The following AP1M1 variants were observed in gnomAD, a reference collection of about 807,000 sequenced individuals.
AP1M1 encodes AP-1 complex subunit mu-1.
Under a neutral mutation model 57.1 loss-of-function variants are expected in AP1M1, and 18 were observed. The observed-to-expected ratio is 0.32, with a 90% CI of 0.22 to 0.47. The LOEUF (loss-of-function observed/expected upper bound fraction) is 0.47, where lower values mean the gene tolerates loss of function less well. Ranked by LOEUF, AP1M1 falls within the 20% of genes least tolerant of loss-of-function variation. AP1M1 has a pLI of 1.00. For synonymous variants in AP1M1, 241 were observed against 237.9 expected (o/e 1.01, Z -0.12); for missense variants, 362 against 593.5 (o/e 0.61, Z 4.05).
Position 16,235,716 on chromosome 19 carries a change from C to T in AP1M1, c.*1281C>T, listed in dbSNP as rs963703645. 8 of 152,310 alleles carry T rather than the reference C, an allele frequency of 5.3e-5. No individual in the cohort carries two copies. The highest frequency in any genetic ancestry group is 1.0e-4 in the Non-Finnish European group (7 of 68,118). 9.4% of individuals were successfully genotyped at this position (152,310 alleles called of 1,614,324 possible). A position where few individuals can be genotyped will look rare whatever the true frequency, so the allele number is the denominator to read the frequency against. On this transcript the variant is annotated 3_prime_UTR_variant, in exon 12 of 12. Transcript: ENST00000291439. ...TAGAAATGCAGGTTCGTGGGCCAGC[C>T]CTGACCTGCCAAAGTGGAGGCTCTG...
chr19:16,205,799 C>T (rs574616851), intron 2 of AP1M1, among the ~76,000 whole-genome samples: 38 of 152,314 alleles, frequency 2.5e-4, no homozygotes, highest in African/African-American at 9.1e-4. Flanking sequence ...AGTTCATTCA[C>T]AGGCCTCCAT....
chr19:16,200,113 TTAGC>T (rs1293374024), intron 1 of AP1M1, among the ~76,000 whole-genome samples: 3 of 152,120 alleles, frequency 2.0e-5, no homozygotes, highest in Non-Finnish European at 4.4e-5. Flanking sequence ...ATGGTCCATG[TTAGC>T]TCTCCCAGGC....
chr19:16,218,652 A>T (rs181708020), intron 5 of AP1M1, among the ~76,000 whole-genome samples: 4 of 152,208 alleles, frequency 2.6e-5, no homozygotes, highest in Admixed American at 2.6e-4. Flanking sequence ...TTAGTGGGAG[A>T]TGTTTCTCCT....
At chr19:16,214,173 C>T (rs1402442208) in intron 5 of AP1M1, among the ~76,000 whole-genome samples, 1 of 151,352 alleles carries the variant, frequency 6.6e-6, no homozygotes, top group South Asian at 2.1e-4. Flanking sequence ...CTCAGCCTCC[C>T]GAGTAGCTGG....
chr19:16,217,361 A>G (rs1369306340), intron 5 of AP1M1, among the ~76,000 whole-genome samples: 1 of 152,152 alleles, frequency 6.6e-6, no homozygotes, highest in Non-Finnish European at 1.5e-5. Flanking sequence ...GTGCACACAC[A>G]GGCATGCTGT....
intron 1 of AP1M1, among the ~76,000 whole-genome samples, chr19:16,201,294 TA>T (rs1342906908): frequency 2.7e-5 from 4 of 149,778 alleles, no homozygotes; most frequent in African/African-American, 9.9e-5. Flanking sequence ...AGGATAGAAA[TA>T]AATGTTTAAT....
Position 16,230,404 on chromosome 19 carries a change from C to CT in AP1M1, c.1047+1490dup, listed in dbSNP as rs58625387. Among the ~76,000 whole-genome samples, 276 of 143,414 alleles carry CT rather than the reference C, an allele frequency of 1.9e-3. 19 individuals are homozygous for CT. The Middle Eastern group carries it at 0.036, about 19-fold the overall frequency. The allele number at this position is 143,414 out of a possible 152,430, so 94.1% of individuals were successfully genotyped here. A position where few individuals can be genotyped will look rare whatever the true frequency, so the allele number is the denominator to read the frequency against. The stretch of plus-strand genomic sequence containing the variant: ...CATTCAGACTACAGTATACGGTAAC[C>CT]TTTTTTTTTTTTTTGAGACGGAGTC... On this transcript the variant is annotated intron_variant, in intron 9 of 11. Coordinates refer to ENST00000291439, the MANE Select transcript of AP1M1 (RefSeq NM_032493.4).
At position 16,240,448 on chromosome 19, in the gene AP1M1, G is replaced by C. The variant is rs2091641763; in HGVS notation, c.*6013G>C. The C allele has an allele frequency of 6.6e-6, 1 of 152,118 alleles. No individual in the cohort carries two copies. Among genetic ancestry groups the C allele is most frequent in the Non-Finnish European group, 1.5e-5 (1 of 68,022 alleles). 9.4% of individuals were successfully genotyped at this position (152,118 alleles called of 1,614,324 possible). ...TTCCAAAATTAATGAAAATCTTGAAGTGTTTTTTGTTTTTCATTTTGACGG... is the reference window on the plus strand; with the variant it reads ...TTCCAAAATTAATGAAAATCTTGAACTGTTTTTTGTTTTTCATTTTGACGG... On this transcript the variant is annotated 3_prime_UTR_variant, in exon 12 of 12. Transcript: ENST00000291439.
chr19:16,209,147 C>T lies in AP1M1; in HGVS notation c.516C>T (p.Phe172=). The T allele has an allele frequency of 6.2e-7, 1 of 1,614,208 alleles. No individual in the cohort carries two copies. The highest frequency in any genetic ancestry group is 8.5e-7 in the Non-Finnish European group (1 of 1,180,034). Residue 172 remains phenylalanine, a synonymous_variant, in exon 5 of 12, where the codon TTC becomes TTT. Coordinates refer to ENST00000291439, the MANE Select transcript of AP1M1 (RefSeq NM_032493.4). ...EGIKYRKNEV[F]LDVIESVNLL... ...TCAAGTATCGGAAGAATGAGGTGTT[C>T]TTGGACGTCATCGAGTCTGTCAACC...
At chr19:16,215,194 C>CA (rs1568350995) in intron 5 of AP1M1, among the ~76,000 whole-genome samples, 6 of 1,918 alleles carry the variant, frequency 3.1e-3, no homozygotes, top group Non-Finnish European at 6.9e-3. Context: ...GAGGCTAAGG[C>CA]GGGGGCGGGG....
At chr19:16,226,794 T>A in intron 6 of AP1M1, 1 of 438,782 alleles carries the variant, frequency 2.3e-6, no homozygotes, top group Non-Finnish European at 4.1e-6. Flanking sequence ...ACACGCCAGG[T>A]CCTGCACCCT....
At chr19:16,233,934 G>T in intron 10 of AP1M1, 1 of 553,368 alleles carries the variant, frequency 1.8e-6, no homozygotes, top group South Asian at 2.6e-5. Flanking sequence ...AGAGAGCCAG[G>T]GGCCTTCTGG....
Position 16,209,154 on chromosome 19 carries a change from GTCA to G in AP1M1, c.526_528del (p.Ile176del). On this transcript the variant is annotated inframe_deletion, in exon 5 of 12. Coordinates refer to ENST00000291439, the MANE Select transcript of AP1M1 (RefSeq NM_032493.4). ...TCGGAAGAATGAGGTGTTCTTGGAC[GTCA>G]TCGAGTCTGTCAACCTCTTGGTAGG... 6.2e-7 allele frequency: 1 copy of G among 1,614,198 alleles called. No individual in the cohort carries two copies. The highest frequency in any genetic ancestry group is 8.5e-7 in the Non-Finnish European group (1 of 1,180,014).
chr19:16,208,685 C>T (rs181595823), intron 4 of AP1M1, among the ~76,000 whole-genome samples: 16 of 152,310 alleles, frequency 1.1e-4, no homozygotes, highest in East Asian at 3.9e-4. Context: ...GGTTACACTC[C>T]GAGGCGTCAG....
At position 16,206,243 on chromosome 19, in the gene AP1M1, C is replaced by T. The variant is rs1414497209; in HGVS notation, c.200-98C>T. On this transcript the variant is annotated intron_variant, in intron 2 of 11. Coordinates refer to ENST00000291439, the MANE Select transcript of AP1M1 (RefSeq NM_032493.4). The surrounding 1 kb of genome is among the most constrained non-coding windows in gnomAD (Gnocchi z 4.3). ...GCTGGGAGTGGGGATAGGGAAGGCT[C>T]TGAGGGTTGTGAGGGTTAGGGGGTC... is the stretch of plus-strand genomic sequence containing the variant. The T allele has an allele frequency of 4.0e-6, 5 of 1,264,122 alleles. No homozygotes were observed. Among genetic ancestry groups the T allele is most frequent in the Non-Finnish European group, 4.6e-6 (4 of 873,872 alleles). The allele number at this position is 1,264,122 out of a possible 1,614,324, so 78.3% of individuals were successfully genotyped here. A position where few individuals can be genotyped will look rare whatever the true frequency, so the allele number is the denominator to read the frequency against.
chr19:16,211,244 C>T (rs942237824), intron 5 of AP1M1, among the ~76,000 whole-genome samples: 1 of 152,072 alleles, frequency 6.6e-6, no homozygotes, highest in Non-Finnish European at 1.5e-5. Flanking sequence ...CAGACGCATG[C>T]CACCATGCCC....
chr19:16,198,668 A>G lies in AP1M1; in HGVS notation c.42+600A>G, dbSNP rs142699100. ...GTGAAGCAACCTGACCAAGGTCACA[A>G]TGGTCACAGAGAAGTAGCAAGTCTA... On this transcript the variant is annotated intron_variant, in intron 1 of 11. Coordinates refer to ENST00000291439, the MANE Select transcript of AP1M1 (RefSeq NM_032493.4). Among the ~76,000 whole-genome samples the G allele has an allele frequency of 2.9e-3, 448 of 152,252 alleles. 4 individuals carry two copies. The highest frequency in any genetic ancestry group is 8.1e-3 in the African/African-American group (338 of 41,560).
intron 2 of AP1M1, among the ~76,000 whole-genome samples, chr19:16,204,512 A>G (rs1180699248): frequency 1.3e-5 from 2 of 152,166 alleles, no homozygotes; most frequent in Non-Finnish European, 2.9e-5. Context: ...GGTCAGTTGA[A>G]CTGACTTGTG....
Position 16,243,312 on chromosome 19 carries a change from T to C in AP1M1, c.*8877T>C, listed in dbSNP as rs1253416057. ...GAGAAAGGGTCTCTGTTGCCCAGGC[T>C]GGAGTGCAGTCAGTGGCACGATGTC... On this transcript the variant is annotated 3_prime_UTR_variant, in exon 12 of 12. Transcript: ENST00000291439. 6.6e-6 allele frequency: 1 copy of C among 151,988 alleles called. No individual in the cohort carries two copies. The highest frequency in any genetic ancestry group is 1.5e-5 in the Non-Finnish European group (1 of 68,024). The allele number at this position is 151,988 out of a possible 1,614,324, so 9.4% of individuals were successfully genotyped here.
Sources: gnomAD v4.1 joint callset for allele counts (sites outside exome capture counted in the v4.1 genomes callset) on GRCh38, gnomAD v4.1.1 for gene constraint, Gnocchi (gnomAD v3.1) non-coding constraint, MANE v1.5 for transcripts, NCBI Gene and HGNC (gene_info 2026-07-23, HGNC 2026-07-21) for gene names.